EDA2R: variants seen among roughly 807,000 people sequenced by gnomAD.
EDA2R encodes the protein tumor necrosis factor receptor superfamily member 27.
In EDA2R, 26 loss-of-function variants were observed where a neutral mutation model predicts 20.1. That is an observed-to-expected ratio of 1.30 (90% CI 0.95 to 1.80). EDA2R has a LOEUF of 1.80. EDA2R is among the 40% of genes most tolerant of loss of function. EDA2R has a pLI of 0.00. For synonymous variants in EDA2R, 114 were observed against 88.7 expected, an observed-to-expected ratio of 1.29 and a Z score of -1.60; for missense variants, 277 against 228.7, an observed-to-expected ratio of 1.21 and a Z score of -1.36.
At chrX:66,626,685 C>A (rs1357346791) in intron 1 of EDA2R, among the ~76,000 whole-genome samples, 8 of 104,848 alleles carry the variant, frequency 7.6e-5, no homozygotes, top group Admixed American at 2.1e-4. Context: ...AAATTCATCT[C>A]AAAAAAAATC....
intron 1 of EDA2R, among the ~76,000 whole-genome samples, chrX:66,637,001 G>A (rs1370523259): frequency 1.8e-5 from 2 of 110,124 alleles, no homozygotes; most frequent in African/African-American, 6.6e-5. Flanking sequence ...TGGAAATACC[G>A]ATCCTAGTTG....
At chrX:66,622,192 C>A (rs1282319969) in intron 1 of EDA2R, among the ~76,000 whole-genome samples, 1 of 111,745 alleles carries the variant, frequency 8.9e-6, no homozygotes, top group Non-Finnish European at 1.9e-5. Flanking sequence ...CACCCATCTC[C>A]CTGTCCTGAT....
rs937427684 is a variant in EDA2R, at chrX:66,604,521, A to G, written c.267-15T>C. The G allele has an allele frequency of 5.0e-6, 6 of 1,188,506 alleles. No homozygotes were observed. In the Admixed American group the frequency reaches 6.6e-5, roughly 13 times the overall value. On this transcript the variant is annotated splice_polypyrimidine_tract_variant and intron_variant, in intron 3 of 6. Coordinates refer to ENST00000374719, the MANE Select transcript of EDA2R (RefSeq NM_021783.5). ...TTCGGTAGAACCTGTGTTCAGAGCA[A>G]TTAGGAATGGCAGGGTGATCAAACA...
At chrX:66,609,118 T>C (rs963149984) in intron 2 of EDA2R, among the ~76,000 whole-genome samples, 1 of 111,765 alleles carries the variant, frequency 8.9e-6, no homozygotes. Flanking sequence ...TTAATAAGGC[T>C]GCTTAAAAAA....
At chrX:66,634,393 T>C (rs1458020275) in intron 1 of EDA2R, among the ~76,000 whole-genome samples, 1 of 111,536 alleles carries the variant, frequency 9.0e-6, no homozygotes, top group Non-Finnish European at 1.9e-5. Flanking sequence ...AAATTAATCT[T>C]AGTCCCAGTG....
chrX:66,599,904 G>T, intron 5 of EDA2R, 44 bp from the exon 6 acceptor site: 1 of 1,181,246 alleles, frequency 8.5e-7, no homozygotes, highest in African/African-American at 1.7e-5. Context: ...CAAAAGCAGG[G>T]GCTCTTCTCA....
At position 66,602,692 on chromosome X, in the gene EDA2R, G is replaced by T. The variant is rs1569225216; in HGVS notation, c.458C>A (p.Ala153Asp). The T allele has an allele frequency of 8.3e-7, 1 of 1,201,814 alleles. No homozygotes were observed. The highest frequency in any genetic ancestry group is 1.1e-6 in the Non-Finnish European group (1 of 890,227). Reference sequence around the variant, plus strand: ...GTAGAGGAAGAAGAGCCCCAGGAAGGCCAGGGTAAACACCACTAGCAGGCT... The same window carrying T: ...GTAGAGGAAGAAGAGCCCCAGGAAGTCCAGGGTAAACACCACTAGCAGGCT... ...VSSLLVVFTL[A>D]FLGLFFLYCK... Residue 153 changes from alanine to aspartate, a missense_variant, in exon 5 of 7, where the codon GCC (alanine) becomes GAC (aspartate). Physicochemically the swap from Ala to Asp is moderately radical, Grantham distance 126 (BLOSUM62 -2). Coordinates refer to ENST00000374719, the MANE Select transcript of EDA2R (RefSeq NM_021783.5).
At chrX:66,638,355 C>G (rs1311750775) in intron 1 of EDA2R, among the ~76,000 whole-genome samples, 2 of 112,089 alleles carry the variant, frequency 1.8e-5, no homozygotes, top group East Asian at 5.6e-4. Context: ...ACCCTGAAGT[C>G]TCTGTTTTCC....
rs1420605389 is a variant in EDA2R, at chrX:66,596,865, T to C, written c.*1239A>G. 1 of 112,981 alleles carries C rather than the reference T, an allele frequency of 8.9e-6. No individual in the cohort carries two copies. The highest frequency in any genetic ancestry group is 9.3e-5 in the Admixed American group (1 of 10,736). The allele number at this position is 112,981 out of a possible 1,213,427, so 9.3% of individuals were successfully genotyped here. A position where few individuals can be genotyped will look rare whatever the true frequency, so the allele number is the denominator to read the frequency against. On this transcript the variant is annotated 3_prime_UTR_variant, in exon 7 of 7. Coordinates refer to ENST00000374719, the MANE Select transcript of EDA2R (RefSeq NM_021783.5). ...AGGCTGCTTGCTTGGTACAGGCTTG[T>C]ATTTCAATTGCTTCTAATCCTCAGT...
In EDA2R at chrX:66,602,759, TG is replaced by T; in HGVS notation, c.390del (p.Thr131GlnfsTer13). ...FQLSLVEADT[P>X]TVPPQEATLV... Reference sequence around the variant, plus strand: ...AGTGTGGCCTCCTGAGGGGGCACTGTGGGTGTATCTGCCTCCACTAAGCTCA... The same window carrying T: ...AGTGTGGCCTCCTGAGGGGGCACTGTGGTGTATCTGCCTCCACTAAGCTCA... On this transcript the variant is annotated frameshift_variant, in exon 5 of 7. Transcript: ENST00000374719. LOFTEE classifies it high-confidence loss of function. 8.4e-7 allele frequency: 1 copy of T among 1,194,532 alleles called. No homozygotes were observed. Among genetic ancestry groups the T allele is most frequent in the Non-Finnish European group, 1.1e-6 (1 of 886,988 alleles).
At chrX:66,617,624 T>C (rs1237473096) in intron 1 of EDA2R, among the ~76,000 whole-genome samples, 1 of 111,164 alleles carries the variant, frequency 9.0e-6, no homozygotes, top group Non-Finnish European at 1.9e-5. Context: ...AACATAGGCG[T>C]TTAAAATCTC....
Position 66,602,675 on chromosome X carries a change from A to T in EDA2R, c.475T>A (p.Phe159Ile), listed in dbSNP as rs149166760. The change falls in exon 5 of 7, where the codon TTC becomes ATC. Residue 159 changes from phenylalanine to isoleucine, a missense_variant. By Grantham distance (21) the Phe-to-Ile change is conservative. Transcript: ENST00000374719. ...VFTLAFLGLF[F>I]LYCKQFFNRH... ...TTGAAGAACTGCTTGCAGTAGAGGAAGAAGAGCCCCAGGAAGGCCAGGGTA... is the reference window on the plus strand; with the variant it reads ...TTGAAGAACTGCTTGCAGTAGAGGATGAAGAGCCCCAGGAAGGCCAGGGTA... 1 of 1,202,362 alleles carries T rather than the reference A, an allele frequency of 8.3e-7. No homozygotes were observed. Among genetic ancestry groups the T allele is most frequent in the South Asian group, 1.8e-5 (1 of 55,370 alleles).
chrX:66,638,077 A>T (rs1934519023), intron 1 of EDA2R, among the ~76,000 whole-genome samples: 1 of 111,891 alleles, frequency 8.9e-6, no homozygotes, highest in Admixed American at 9.5e-5. Context: ...AACTTTTAAA[A>T]CCTCTCTTGT....
chrX:66,603,805 C>A (rs1929113139), intron 4 of EDA2R, among the ~76,000 whole-genome samples: 1 of 111,610 alleles, frequency 9.0e-6, no homozygotes, highest in South Asian at 3.7e-4. Context: ...AGCAAATATG[C>A]AAAATGCTAT....
chrX:66,605,690 A>G lies in EDA2R; in HGVS notation c.88-464T>C, dbSNP rs139119867. 7.2e-5 allele frequency among the ~76,000 whole-genome samples: 8 copies of G among 111,807 alleles called. No homozygotes were observed. In the East Asian group the frequency reaches 2.3e-3, roughly 32 times the overall value. On this transcript the variant is annotated intron_variant, in intron 2 of 6. Coordinates refer to ENST00000374719, the MANE Select transcript of EDA2R (RefSeq NM_021783.5). ...CAAGCTCTTAAAGTTTTCCCCAAGAAATGACCCATATTGCTTTACTCACAT... is the reference window on the plus strand; with the variant it reads ...CAAGCTCTTAAAGTTTTCCCCAAGAGATGACCCATATTGCTTTACTCACAT...
At chrX:66,632,587 G>A (rs1933940160) in intron 1 of EDA2R, among the ~76,000 whole-genome samples, 1 of 104,763 alleles carries the variant, frequency 9.5e-6, no homozygotes, top group East Asian at 3.0e-4. Context: ...TGACAGCAAC[G>A]AAGAAGGGGA....
intron 1 of EDA2R, among the ~76,000 whole-genome samples, chrX:66,618,134 G>A (rs927496348): frequency 4.4e-4 from 49 of 112,009 alleles, no homozygotes; most frequent in African/African-American, 1.4e-3. Context: ...TGATCCACCC[G>A]CCTCGGCCTC....
intron 5 of EDA2R, among the ~76,000 whole-genome samples, chrX:66,600,636 G>A (rs1395734402): frequency 8.9e-6 from 1 of 111,855 alleles, no homozygotes; most frequent in African/African-American, 3.3e-5. Flanking sequence ...TCTGAGCTAT[G>A]GAAACTGTGA....
intron 1 of EDA2R, among the ~76,000 whole-genome samples, chrX:66,626,608 GA>G (rs1358116631): frequency 9.0e-6 from 1 of 110,557 alleles, no homozygotes; most frequent in East Asian, 2.8e-4. Flanking sequence ...GGCAATAACA[GA>G]AAAACTTCCC....
Sources: gnomAD v4.1 joint callset for allele counts (sites outside exome capture counted in the v4.1 genomes callset) on GRCh38, gnomAD v4.1.1 for gene constraint, MANE v1.5 for transcripts, NCBI Gene and HGNC (gene_info 2026-07-23, HGNC 2026-07-21) for gene names.